The following SNX30 variants were observed in gnomAD, a reference collection of about 807,000 sequenced individuals.
The protein encoded by SNX30 is sorting nexin-30.
Under a neutral mutation model 46.4 loss-of-function variants are expected in SNX30, and 24 were observed. The observed-to-expected ratio is 0.52, with a 90% confidence interval of 0.37 to 0.73. The LOEUF is 0.73. SNX30 is among the 30% of genes least tolerant of loss of function. The pLI, the probability that SNX30 is intolerant of heterozygous loss-of-function variation, is 0.00. For missense variants in SNX30, 533 were observed against 555.7 expected (o/e 0.96, Z 0.41); for synonymous variants, 189 against 211.5 (o/e 0.89, Z 0.92).
intron 2 of SNX30, among the ~76,000 whole-genome samples, chr9:112,815,307 T>C (rs993104754): frequency 5.3e-5 from 8 of 152,156 alleles, no homozygotes; most frequent in African/African-American, 1.9e-4. Flanking sequence ...TAAACTGTAA[T>C]TTATGAAATG....
intron 1 of SNX30, among the ~76,000 whole-genome samples, chr9:112,778,270 C>CTTTTTTTTT (rs1001151120): frequency 8.1e-6 from 1 of 123,352 alleles, no homozygotes; most frequent in Non-Finnish European, 1.7e-5. Flanking sequence ...GGCCATATTC[C>CTTTTTTTTT]TTTTTTTTTT....
intron 1 of SNX30, among the ~76,000 whole-genome samples, chr9:112,751,974 G>A (rs1390379921): frequency 1.3e-5 from 2 of 152,124 alleles, no homozygotes; most frequent in African/African-American, 2.4e-5. Flanking sequence ...GGAGACTTGA[G>A]CAGTGATTGT....
intron 1 of SNX30, 42 bp downstream of exon 1, chr9:112,751,199 C>A: frequency 7.2e-7 from 1 of 1,384,810 alleles, no homozygotes. Context: ...TTATTTCGCT[C>A]CCCGTGGGGG....
chr9:112,877,967 C>G (rs1438702059), downstream of SNX30: 2 of 152,348 alleles, frequency 1.3e-5, no homozygotes, highest in Non-Finnish European at 2.9e-5. Flanking sequence ...ATCTTCCTAG[C>G]TTGGCCTCCC....
At chr9:112,828,163 G>A (rs150428277) in intron 3 of SNX30, among the ~76,000 whole-genome samples, 4 of 152,184 alleles carry the variant, frequency 2.6e-5, no homozygotes, top group Admixed American at 6.5e-5. Context: ...TGACAAAAGC[G>A]AACTATACAG....
At chr9:112,751,222 C>A in intron 1 of SNX30, 65 bp downstream of exon 1, 2 of 1,325,172 alleles carry the variant, frequency 1.5e-6, no homozygotes, top group South Asian at 1.9e-5. Flanking sequence ...ATGATGGATC[C>A]GGAGCCTTCG....
At chr9:112,765,342 G>T (rs1839518970) in intron 1 of SNX30, among the ~76,000 whole-genome samples, 1 of 152,180 alleles carries the variant, frequency 6.6e-6, no homozygotes, top group African/African-American at 2.4e-5. Context: ...ATACATTTTA[G>T]TGGTTTTGAA....
Position 112,850,841 on chromosome 9 carries a change from C to A in SNX30, c.1015-18C>A. On this transcript the variant is annotated intron_variant, in intron 6 of 8. Coordinates refer to ENST00000374232, the MANE Select transcript of SNX30 (RefSeq NM_001012994.2). ...TGTGGACTCAGTGTTACATGCTTCT[C>A]TCCTCTGCCTCCCACAGAGTGTATT... The A allele has an allele frequency of 6.2e-7, 1 of 1,601,848 alleles. No individual in the cohort carries two copies. Among genetic ancestry groups the A allele is most frequent in the Non-Finnish European group, 8.5e-7 (1 of 1,169,852 alleles).
rs560546987 is a variant in SNX30, at chr9:112,858,366, T to C, written c.1102-5881T>C. ...CTCGCCTCTACTCCAGATAAAAATA[T>C]TAGCTGGGTGTGATGGTGTGCATCT... is the stretch of plus-strand genomic sequence containing the variant. On this transcript the variant is annotated intron_variant, in intron 7 of 8. Transcript: ENST00000374232. Among the ~76,000 whole-genome samples the C allele has an allele frequency of 5.9e-5, 9 of 152,062 alleles. No homozygotes were observed. The South Asian group carries it at 1.9e-3, about 32-fold the overall frequency.
intron 3 of SNX30, among the ~76,000 whole-genome samples, chr9:112,826,019 A>G (rs1445928542): frequency 1.3e-5 from 2 of 152,234 alleles, no homozygotes; most frequent in African/African-American, 4.8e-5. Flanking sequence ...TTGATGAAAC[A>G]TAAGTTCAAT....
chr9:112,819,764 A>G (rs949031704), intron 3 of SNX30, among the ~76,000 whole-genome samples: 1 of 152,074 alleles, frequency 6.6e-6, no homozygotes, highest in Admixed American at 6.5e-5. Flanking sequence ...CGGCTTTCCC[A>G]ATCGGGGTAA....
chr9:112,764,762 A>G lies in SNX30; in HGVS notation c.156+13605A>G, dbSNP rs1285267103. 2.6e-5 allele frequency among the ~76,000 whole-genome samples: 4 copies of G among 152,180 alleles called. No individual in the cohort carries two copies. In the East Asian group the frequency reaches 7.7e-4, roughly 29 times the overall value. On this transcript the variant is annotated intron_variant, in intron 1 of 8. Coordinates refer to ENST00000374232, the MANE Select transcript of SNX30 (RefSeq NM_001012994.2). ...GTACTGGTTAGTGGTTTGCTTGCAAATAATAGATATCTAGCTTGCATTAAC... is the reference window on the plus strand; with the variant it reads ...GTACTGGTTAGTGGTTTGCTTGCAAGTAATAGATATCTAGCTTGCATTAAC...
chr9:112,769,691 C>A (rs888717388), intron 1 of SNX30, among the ~76,000 whole-genome samples: 1 of 152,122 alleles, frequency 6.6e-6, no homozygotes, highest in Non-Finnish European at 1.5e-5. Flanking sequence ...TCTGATATGG[C>A]CTCTCTTCAT....
rs58178966 is a variant in SNX30 at position 112,874,777 on chromosome 9, T to TG, written c.*5935dup. 974 of 152,024 alleles carry TG rather than the reference T, an allele frequency of 6.4e-3. 17 individuals are homozygous for TG. The highest frequency in any genetic ancestry group is 0.022 in the African/African-American group (922 of 41,486). 9.4% of individuals were successfully genotyped at this position (152,024 alleles called of 1,614,324 possible). A position where few individuals can be genotyped will look rare whatever the true frequency, so the allele number is the denominator to read the frequency against. On this transcript the variant is annotated 3_prime_UTR_variant, in exon 9 of 9. Transcript: ENST00000374232. ...TAAAATGGAAAAAGAATCGTTTTTT[T>TG]GTTGACTTTTTGATGCTGGCACGAG...
chr9:112,828,309 TG>T (rs1298993916), intron 3 of SNX30, among the ~76,000 whole-genome samples: 4 of 152,058 alleles, frequency 2.6e-5, no homozygotes, highest in African/African-American at 9.7e-5. Context: ...CTTGCCATTG[TG>T]TTACAATTGT....
intron 1 of SNX30, among the ~76,000 whole-genome samples, chr9:112,779,204 T>A (rs1199708793): frequency 6.6e-6 from 1 of 152,222 alleles, no homozygotes; most frequent in African/African-American, 2.4e-5. Context: ...CTGTATGCAA[T>A]GTATTAGCGG....
intron 8 of SNX30, chr9:112,866,352 G>A (rs756560605): frequency 3.7e-5 from 16 of 435,036 alleles, no homozygotes; most frequent in Non-Finnish European, 6.7e-5. Flanking sequence ...CAGAGACAGA[G>A]GCTTGGAAAA....
At position 112,838,497 on chromosome 9, in the gene SNX30, G is replaced by A. The variant is rs1840801829; in HGVS notation, c.815-1G>A. 4 of 1,608,250 alleles carry A rather than the reference G, an allele frequency of 2.5e-6. No individual in the cohort carries two copies. The highest frequency in any genetic ancestry group is 1.3e-5 in the African/African-American group (1 of 74,782). On this transcript the variant is annotated splice_acceptor_variant, in intron 5 of 8. Transcript: ENST00000374232. LOFTEE classifies it high-confidence loss of function. ...TTAATTAGTTTCTGTTCCCTGTTCA[G>A]AGTACCTTGTGGAGCTGAGAGAATA...
intron 8 of SNX30, among the ~76,000 whole-genome samples, chr9:112,868,575 T>C (rs952017563): frequency 6.6e-6 from 1 of 152,236 alleles, no homozygotes; most frequent in Non-Finnish European, 1.5e-5. Flanking sequence ...GCAGAGATAT[T>C]GCTGTCTTTC....
Sources: gnomAD v4.1 joint callset for allele counts (sites outside exome capture counted in the v4.1 genomes callset) on GRCh38, gnomAD v4.1.1 for gene constraint, MANE v1.5 for transcripts, NCBI Gene and HGNC (gene_info 2026-07-23, HGNC 2026-07-21) for gene names.